Variants in SCNN1A observed in about 807,000 individuals in gnomAD.
SCNN1A encodes the protein epithelial sodium channel subunit alpha.
In SCNN1A, 65 loss-of-function variants were observed where a neutral mutation model predicts 68.6. The observed-to-expected ratio is 0.95, with a 90% CI of 0.78 to 1.16. The LOEUF (loss-of-function observed/expected upper bound fraction) is 1.16, where lower values mean the gene tolerates loss of function less well. Among genes scored for constraint, SCNN1A ranks in the 50% most tolerant of loss-of-function variants. SCNN1A has a pLI of 0.00. For synonymous variants in SCNN1A, 357 were observed against 353.3 expected, an observed-to-expected ratio of 1.01 and a Z score of -0.12; for missense variants, 880 against 865.9, an observed-to-expected ratio of 1.02 and a Z score of -0.20.
intron 4 of SCNN1A, among the ~76,000 whole-genome samples, chr12:6,359,792 A>G (rs1482352410): frequency 3.0e-5 from 3 of 98,952 alleles, no homozygotes; most frequent in African/African-American, 1.2e-4. Context: ...TTTTTTTCAG[A>G]TGGAGTCTTG....
At chr12:6,357,597 A>G (rs1948518708) in intron 4 of SCNN1A, among the ~76,000 whole-genome samples, 1 of 152,214 alleles carries the variant, frequency 6.6e-6, no homozygotes, top group Non-Finnish European at 1.5e-5. Flanking sequence ...TCTATAACAC[A>G]ATACCATTTA....
Position 6,347,882 on chromosome 12 carries a change from C to A in SCNN1A, c.2001G>T (p.Gly667=). ...AACCTCTCCTTCCCTCTCAGGGCCC[C>A]CCCAGAGGACAGGTGGAGGAACTGG... The part of the protein sequence containing the change: ...AGASSSTCPL[G]GP The change falls in exon 13 of 13, where the codon GGG becomes GGT. Residue 667 remains glycine, a synonymous_variant. Coordinates refer to ENST00000228916, the MANE Select transcript of SCNN1A (RefSeq NM_001038.6). 1 of 1,602,138 alleles carries A rather than the reference C, an allele frequency of 6.2e-7. No homozygotes were observed. The highest frequency in any genetic ancestry group is 8.5e-7 in the Non-Finnish European group (1 of 1,174,794).
intron 2 of SCNN1A, among the ~76,000 whole-genome samples, chr12:6,369,210 C>A (rs181222211): frequency 6.6e-6 from 1 of 152,160 alleles, no homozygotes; most frequent in Admixed American, 6.5e-5. Flanking sequence ...ACACTCCTCT[C>A]CCCTGGGGAG....
chr12:6,363,574 G>A lies in SCNN1A; in HGVS notation c.553C>T (p.Pro185Ser). 3 of 1,611,550 alleles carry A rather than the reference G, an allele frequency of 1.9e-6. No homozygotes were observed. Among genetic ancestry groups the A allele is most frequent in the Non-Finnish European group, 2.5e-6 (3 of 1,178,996 alleles). Residue 185 changes from proline (P) to serine (S), a missense_variant, in exon 3 of 13, where the codon CCG becomes TCG. Around this residue, in one of 3 missense-constraint regions of SCNN1A, gnomAD observed 758 missense variants for 721.8 expected, o/e 1.05. Coordinates refer to ENST00000228916, the MANE Select transcript of SCNN1A (RefSeq NM_001038.6). ...RSRRDLRGTL[P>S]HPLQRLRVPP... is the part of the protein sequence containing the mutation. ...ACCCTCAGGCGCTGCAAGGGGTGCGGCAGAGTCCCCCGCAGGTCGCGACGG... is the reference window on the plus strand; with the variant it reads ...ACCCTCAGGCGCTGCAAGGGGTGCGACAGAGTCCCCCGCAGGTCGCGACGG...
chr12:6,362,356 G>T (rs1948594567), intron 3 of SCNN1A, 115 bp from the exon 4 acceptor site: 1 of 905,426 alleles, frequency 1.1e-6, no homozygotes, highest in Non-Finnish European at 1.8e-6. Context: ...ACAGGAGTCG[G>T]AAGCCAGGAG....
At position 6,349,221 on chromosome 12, in the gene SCNN1A, G is replaced by A. The variant is rs146304310; in HGVS notation, c.1440C>T (p.Ser480=). The part of the protein sequence containing the change: ...GCFTKCRKPC[S]VTSYQLSAGY... Reference sequence around the variant, plus strand: ...CAGCAGAGAGCTGGTAGCTGGTCACGCTGGGGATGGAGAAAGGTGCTCAGT... The same window carrying A: ...CAGCAGAGAGCTGGTAGCTGGTCACACTGGGGATGGAGAAAGGTGCTCAGT... The change falls in exon 10 of 13, where the codon AGC becomes AGT. Residue 480 remains serine (S), a splice_region_variant and synonymous_variant. Coordinates refer to ENST00000228916, the MANE Select transcript of SCNN1A (RefSeq NM_001038.6). 7.7e-5 allele frequency: 125 copies of A among 1,614,140 alleles called. No homozygotes were observed. Among genetic ancestry groups the A allele is most frequent in the East Asian group, 2.2e-4 (10 of 44,878 alleles).
rs1272622904 is a variant in SCNN1A at position 6,347,251 on chromosome 12, C to T, written c.*622G>A. On this transcript the variant is annotated 3_prime_UTR_variant, in exon 13 of 13. Transcript: ENST00000228916. ...ACAGGGCAGAGGTGCCGGGGCATGGCTCTGTGAGGGCACGGGTATGAGGCT... is the reference window on the plus strand; with the variant it reads ...ACAGGGCAGAGGTGCCGGGGCATGGTTCTGTGAGGGCACGGGTATGAGGCT... The T allele has an allele frequency of 6.5e-6, 1 of 154,902 alleles. No individual in the cohort carries two copies. Among genetic ancestry groups the T allele is most frequent in the Non-Finnish European group, 1.4e-5 (1 of 69,732 alleles). 9.6% of individuals were successfully genotyped at this position (154,902 alleles called of 1,614,324 possible). A position where few individuals can be genotyped will look rare whatever the true frequency, so the allele number is the denominator to read the frequency against.
In SCNN1A at chr12:6,362,186, G is replaced by A. The variant is rs746199428; in HGVS notation, c.740C>T (p.Ala247Val). Residue 247 changes from alanine to valine, a missense_variant, in exon 4 of 13, where the codon GCG (alanine) becomes GTG (valine). By Grantham distance (64) the Ala-to-Val change is moderately conservative. Around this residue, in one of 3 missense-constraint regions of SCNN1A, gnomAD observed 758 missense variants for 721.8 expected, o/e 1.05. Coordinates refer to ENST00000228916, the MANE Select transcript of SCNN1A (RefSeq NM_001038.6). ...GTGGAAGCGGTACCACTCCCTCACC[G>A]CATCCACCCCTGATGAGTATGTCTG... ...FYQTYSSGVD[A>V]VREWYRFHYI... The A allele has an allele frequency of 9.3e-6, 15 of 1,613,988 alleles. No individual in the cohort carries two copies. Among genetic ancestry groups the A allele is most frequent in the South Asian group, 4.4e-5 (4 of 91,084 alleles).
At chr12:6,375,925 GAGAT>G, upstream of SCNN1A, 2 of 1,131,618 alleles carry the variant, frequency 1.8e-6, no homozygotes, top group Non-Finnish European at 2.2e-6. Context: ...GAAGGACAGA[GAGAT>G]AGGGATGGAG....
At position 6,374,661 on chromosome 12, in the gene SCNN1A, G is replaced by A. The variant is rs971377755; in HGVS notation, c.123C>T (p.Pro41=). 2 of 1,613,750 alleles carry A rather than the reference G, an allele frequency of 1.2e-6. No individual in the cohort carries two copies. Among genetic ancestry groups the A allele is most frequent in the Non-Finnish European group, 1.7e-6 (2 of 1,179,850 alleles). The part of the protein sequence containing the change: ...LGPEPAAPQQ[P]TAEEEALIEF... ...CGATCAGGGCCTCCTCCTCCGCCGT[G>A]GGCTGCTGGGGCGCCGCAGGTTCGG... The change falls in exon 2 of 13, where the codon CCC becomes CCT. Residue 41 remains proline, a synonymous_variant. Transcript: ENST00000228916. This position sits in a 1 kb window ranked among gnomAD's most constrained non-coding sequence, Gnocchi z 6.2.
In SCNN1A at chr12:6,359,173, TAATGGTTACAC is replaced by T. The variant is rs560433167; in HGVS notation, c.875+2867_875+2877del. On this transcript the variant is annotated intron_variant, in intron 4 of 12. Transcript: ENST00000228916. ...AAAATATTCTAAAAACAGGTAGTGG[TAATGGTTACAC>T]AACTCCAAATATATTAAAAATCACT... is the stretch of plus-strand genomic sequence containing the variant. 3.9e-3 allele frequency among the ~76,000 whole-genome samples: 590 copies of T among 152,290 alleles called. 3 individuals are homozygous for T. The highest frequency in any genetic ancestry group is 0.014 in the Middle Eastern group (4 of 294).
At chr12:6,375,228 T>C in intron 1 of SCNN1A, 1 of 1,441,520 alleles carries the variant, frequency 6.9e-7, no homozygotes, top group Non-Finnish European at 9.0e-7. Context: ...TCTGTTTCTC[T>C]TTGGGTCTCT....
intron 4 of SCNN1A, among the ~76,000 whole-genome samples, chr12:6,360,781 AC>A (rs141530104): frequency 3.9e-4 from 59 of 149,686 alleles, no homozygotes; most frequent in Admixed American, 9.9e-4. Context: ...ACAGAAGGGG[AC>A]CCCCCCCTCG....
intron 1 of SCNN1A, chr12:6,375,173 G>C: frequency 6.9e-7 from 1 of 1,456,004 alleles, no homozygotes; most frequent in Non-Finnish European, 9.0e-7. Flanking sequence ...CTTCCTCCAG[G>C]ATCTGTGTCT....
intron 2 of SCNN1A, among the ~76,000 whole-genome samples, chr12:6,368,062 C>G (rs1029149673): frequency 8.5e-5 from 13 of 152,240 alleles, no homozygotes; most frequent in Non-Finnish European, 1.6e-4. Flanking sequence ...GAATGGCAAG[C>G]ATAGCTAGCG....
At chr12:6,349,037 C>T (rs749924926) in intron 10 of SCNN1A, 32 bp from the exon 11 acceptor site, 1 of 1,612,466 alleles carries the variant, frequency 6.2e-7, no homozygotes, top group Admixed American at 1.7e-5. Flanking sequence ...ATCAAGGTCA[C>T]TCCCATATGC....
intron 4 of SCNN1A, among the ~76,000 whole-genome samples, chr12:6,357,672 G>A (rs1262909873): frequency 6.6e-6 from 1 of 152,114 alleles, no homozygotes; most frequent in Non-Finnish European, 1.5e-5. Flanking sequence ...TACTATAGTG[G>A]CCTATGAGAA....
At chr12:6,369,660 G>A (rs764326190) in intron 2 of SCNN1A, among the ~76,000 whole-genome samples, 10 of 151,958 alleles carry the variant, frequency 6.6e-5, no homozygotes, top group African/African-American at 9.7e-5. Context: ...GCGAAACCCC[G>A]TCTCTACTAA....
Position 6,355,823 on chromosome 12 carries a change from C to T in SCNN1A, c.933G>A (p.Lys311=). ...MYGNCYTFND[K]NNSNLWMSSM... Reference sequence around the variant, plus strand: ...AAGACATCCAGAGGTTGGAGTTGTTCTTGTCATTGAAAGTATAGCAGTTTC... The same window carrying T: ...AAGACATCCAGAGGTTGGAGTTGTTTTTGTCATTGAAAGTATAGCAGTTTC... The change falls in exon 5 of 13, where the codon AAG becomes AAA. Residue 311 remains lysine (K), a synonymous_variant. Coordinates refer to ENST00000228916, the MANE Select transcript of SCNN1A (RefSeq NM_001038.6). The T allele has an allele frequency of 6.2e-7, 1 of 1,613,792 alleles. No individual in the cohort carries two copies. Among genetic ancestry groups the T allele is most frequent in the Non-Finnish European group, 8.5e-7 (1 of 1,179,700 alleles).
Sources: allele counts gnomAD v4.1 joint callset (sites outside exome capture counted in the v4.1 genomes callset), GRCh38; gene constraint gnomAD v4.1.1; regional missense constraint gnomAD v4.1.1; non-coding constraint Gnocchi (gnomAD v3.1); transcripts MANE v1.5; gene names NCBI Gene and HGNC (gene_info 2026-07-23, HGNC 2026-07-21).